SCARB2: variants seen among roughly 807,000 people sequenced by gnomAD.
SCARB2 encodes lysosome membrane protein 2.
Under a neutral mutation model 58.6 loss-of-function variants are expected in SCARB2, and 29 were observed. That is an observed-to-expected ratio of 0.49 (90% CI 0.37 to 0.67). SCARB2 has a LOEUF of 0.67. Among genes scored for constraint, SCARB2 ranks in the 30% least tolerant of loss-of-function variants. The pLI, the probability that SCARB2 is intolerant of heterozygous loss-of-function variation, is 0.00. For missense variants in SCARB2, 488 were observed against 578.5 expected, an observed-to-expected ratio of 0.84 and a Z score of 1.60; for synonymous variants, 195 against 210.1, an observed-to-expected ratio of 0.93 and a Z score of 0.62.
intron 1 of SCARB2, among the ~76,000 whole-genome samples, chr4:76,199,869 A>G (rs1358196693): frequency 6.6e-6 from 1 of 152,202 alleles, no homozygotes; most frequent in Non-Finnish European, 1.5e-5. Context: ...AATGGGTCCA[A>G]AGAAAGCACC....
In SCARB2 at chr4:76,163,353, G is replaced by T; in HGVS notation, c.1270C>A (p.Arg424=). ...GTAGTGTTAATCATAGACTTCAGTC[G>T]ACTCGCCGTCTCTTTATCAATGTGA... is the stretch of plus-strand genomic sequence containing the variant. The part of the protein sequence containing the change: ...SVHIDKETAS[R]LKSMINTTLI... Residue 424 remains arginine (R), a synonymous_variant, in exon 11 of 12, where the codon CGA becomes AGA. Coordinates refer to ENST00000264896, the MANE Select transcript of SCARB2 (RefSeq NM_005506.4). 6.2e-7 allele frequency: 1 copy of T among 1,614,156 alleles called. No individual in the cohort carries two copies. The highest frequency in any genetic ancestry group is 1.1e-5 in the South Asian group (1 of 91,066).
chr4:76,187,472 T>C (rs894708526), intron 2 of SCARB2, among the ~76,000 whole-genome samples: 1 of 152,186 alleles, frequency 6.6e-6, no homozygotes, highest in African/African-American at 2.4e-5. Flanking sequence ...CGGATCTACA[T>C]GTTCAGGAAA....
At chr4:76,161,983 C>T in intron 11 of SCARB2, 1 of 589,878 alleles carries the variant, frequency 1.7e-6, no homozygotes, top group South Asian at 2.0e-5. Context: ...AGAGCAGTAC[C>T]CTTCTCTGTG....
intron 2 of SCARB2, among the ~76,000 whole-genome samples, chr4:76,191,629 G>A (rs990738352): frequency 6.6e-6 from 1 of 152,058 alleles, no homozygotes; most frequent in African/African-American, 2.4e-5. Flanking sequence ...CATGCTTCCT[G>A]TAGAACCTGT....
chr4:76,179,459 G>A, intron 4 of SCARB2, 58 bp downstream of exon 4: 2 of 1,209,874 alleles, frequency 1.7e-6, no homozygotes, highest in Non-Finnish European at 2.5e-6. Context: ...TCTGGCTTGG[G>A]GTGCCCCAAC....
intron 1 of SCARB2, among the ~76,000 whole-genome samples, chr4:76,224,303 C>T (rs1052479052): frequency 6.6e-6 from 1 of 152,198 alleles, no homozygotes; most frequent in Non-Finnish European, 1.5e-5. Context: ...AAAAATAAAA[C>T]TTCTCATATC....
At chr4:76,176,148 T>C in intron 5 of SCARB2, 2 of 614,888 alleles carry the variant, frequency 3.3e-6, no homozygotes, top group Admixed American at 2.9e-5. Context: ...TGAAAAGTAT[T>C]TGTGCTGTAG....
intron 9 of SCARB2, among the ~76,000 whole-genome samples, chr4:76,167,248 C>CTT (rs1256758708): frequency 1.3e-5 from 2 of 152,154 alleles, no homozygotes; most frequent in Non-Finnish European, 2.9e-5. Context: ...GGAAGAGACT[C>CTT]TGTCTCAAGT....
intron 5 of SCARB2, 29 bp downstream of exon 5, chr4:76,176,390 AAATGAAAACTGAAAAAAT>A: frequency 7.3e-7 from 1 of 1,361,664 alleles, no homozygotes; most frequent in Non-Finnish European, 1.0e-6. Flanking sequence ...CATGTAGTTT[AAATGAAAACTGAAAAAAT>A]AATTCCACTG....
At chr4:76,208,223 C>T (rs758434616) in intron 1 of SCARB2, among the ~76,000 whole-genome samples, 1 of 152,112 alleles carries the variant, frequency 6.6e-6, no homozygotes, top group Non-Finnish European at 1.5e-5. Flanking sequence ...TGTTAGCCTA[C>T]TATATTGTCT....
At chr4:76,166,651 A>G (rs1732014944) in intron 9 of SCARB2, 1 of 380,978 alleles carries the variant, frequency 2.6e-6, no homozygotes, top group Non-Finnish European at 5.0e-6. Context: ...TCTTTGCAAC[A>G]AGAGCCAACT....
At chr4:76,197,109 AC>A (rs1402677280) in intron 1 of SCARB2, among the ~76,000 whole-genome samples, 9 of 152,176 alleles carry the variant, frequency 5.9e-5, no homozygotes, top group Non-Finnish European at 1.3e-4. Context: ...CTCTGCCAAT[AC>A]CTTGATCTCA....
At chr4:76,211,766 T>A (rs1158228142) in intron 1 of SCARB2, among the ~76,000 whole-genome samples, 2 of 152,208 alleles carry the variant, frequency 1.3e-5, no homozygotes, top group African/African-American at 2.4e-5. Context: ...TTACCTCTAA[T>A]GACAACAGTA....
At chr4:76,172,472 T>C (rs1298477731) in intron 7 of SCARB2, among the ~76,000 whole-genome samples, 1 of 152,012 alleles carries the variant, frequency 6.6e-6, no homozygotes, top group Non-Finnish European at 1.5e-5. Flanking sequence ...CATGCAGGTC[T>C]AAATTCTTGG....
intron 1 of SCARB2, among the ~76,000 whole-genome samples, chr4:76,223,981 G>A (rs1463653013): frequency 2.6e-5 from 4 of 152,068 alleles, no homozygotes; most frequent in African/African-American, 4.8e-5. Context: ...GATGATGTTG[G>A]GGGAATGTAA....
At chr4:76,179,927 A>C in intron 3 of SCARB2, 1 of 586,078 alleles carries the variant, frequency 1.7e-6, no homozygotes, top group Non-Finnish European at 3.1e-6. Flanking sequence ...TAATATTTAC[A>C]AAGAGACCAT....
In SCARB2 at chr4:76,175,967, C is replaced by T. The variant is rs1008872207; in HGVS notation, c.705-57G>A. 10 of 1,604,186 alleles carry T rather than the reference C, an allele frequency of 6.2e-6. No homozygotes were observed. The African/African-American group carries it at 9.3e-5, about 15-fold the overall frequency. The stretch of plus-strand genomic sequence containing the variant: ...ATGATCACATTTGAGTTTAGATTCT[C>T]TTAAATGGTCAGGACTTTGCAAGAT... On this transcript the variant is annotated intron_variant, in intron 5 of 11. Coordinates refer to ENST00000264896, the MANE Select transcript of SCARB2 (RefSeq NM_005506.4).
intron 3 of SCARB2, chr4:76,179,998 C>A: frequency 2.3e-6 from 1 of 428,490 alleles, no homozygotes; most frequent in Non-Finnish European, 4.4e-6. Context: ...AACATGTGGG[C>A]ATCTTTGGCC....
Position 76,195,811 on chromosome 4 carries a change from A to AG in SCARB2, c.170dup (p.Leu58SerfsTer48). On this transcript the variant is annotated frameshift_variant, in exon 2 of 12. Coordinates refer to ENST00000264896, the MANE Select transcript of SCARB2 (RefSeq NM_005506.4). LOFTEE classifies it high-confidence loss of function. ...AATAGAACTGAGTATACACAGGCAGAGGGGGCTTCTCCCAGGAGTCAAATG... is the reference window on the plus strand; with the variant it reads ...AATAGAACTGAGTATACACAGGCAGAGGGGGGCTTCTCCCAGGAGTCAAATG... 6.2e-7 allele frequency: 1 copy of AG among 1,613,828 alleles called. No homozygotes were observed. The highest frequency in any genetic ancestry group is 8.5e-7 in the Non-Finnish European group (1 of 1,179,670).
Sources: gnomAD v4.1 joint callset for allele counts (sites outside exome capture counted in the v4.1 genomes callset) on GRCh38, gnomAD v4.1.1 for gene constraint, MANE v1.5 for transcripts, NCBI Gene and HGNC (gene_info 2026-07-23, HGNC 2026-07-21) for gene names.